MYO5C: variants seen among roughly 807,000 people sequenced by gnomAD.
MYO5C encodes unconventional myosin-Vc.
MYO5C carries 194 observed loss-of-function variants against 235.7 expected under a neutral mutation model. That is an observed-to-expected ratio of 0.82 (90% CI 0.73 to 0.93). The LOEUF (loss-of-function observed/expected upper bound fraction) is 0.93. MYO5C is among the 40% of genes least tolerant of loss of function. The pLI is 0.00. For missense variants in MYO5C, 2,038 were observed against 2,127.2 expected (o/e 0.96, Z 0.82); for synonymous variants, 707 against 754.8 (o/e 0.94, Z 1.04).
In MYO5C at chr15:52,196,390, G is replaced by C. The variant is rs373375321; in HGVS notation, c.4914C>G (p.Ala1638=). 2 of 1,614,080 alleles carry C rather than the reference G, an allele frequency of 1.2e-6. No individual in the cohort carries two copies. Among genetic ancestry groups the C allele is most frequent in the Non-Finnish European group, 1.7e-6 (2 of 1,180,044 alleles). The change falls in exon 39 of 41, where the codon GCC becomes GCG. Residue 1638 remains alanine, a synonymous_variant. Transcript: ENST00000261839. The part of the protein sequence containing the change: ...KETLEPLSQA[A]WLLQVKKTTD... ...TGGTCTTCTTGACCTGAAGCAACCA[G>C]GCTGCCTGAGAGAGGGGCTCCAAAG...
intron 32 of MYO5C, among the ~76,000 whole-genome samples, chr15:52,217,334 G>A (rs992023332): frequency 3.3e-5 from 5 of 152,224 alleles, no homozygotes; most frequent in African/African-American, 9.6e-5. Context: ...CGCCAGGACC[G>A]AGCTGTGCTC....
chr15:52,291,905 AT>A (rs1414326840), intron 1 of MYO5C, among the ~76,000 whole-genome samples: 6 of 150,662 alleles, frequency 4.0e-5, no homozygotes, highest in Middle Eastern at 3.5e-3. Context: ...CGCCTGGCTA[AT>A]TTTTTTGTAT....
intron 24 of MYO5C, among the ~76,000 whole-genome samples, chr15:52,231,599 G>A (rs2035951572): frequency 6.6e-6 from 1 of 152,148 alleles, no homozygotes; most frequent in African/African-American, 2.4e-5. Flanking sequence ...TTAACTCCTG[G>A]AGCGATTCTG....
Position 52,225,446 on chromosome 15 carries a change from T to C in MYO5C, c.3294A>G (p.Glu1098=). 1 of 1,612,076 alleles carries C rather than the reference T, an allele frequency of 6.2e-7. No individual in the cohort carries two copies. The highest frequency in any genetic ancestry group is 8.5e-7 in the Non-Finnish European group (1 of 1,178,304). Residue 1098 remains glutamate, a synonymous_variant, in exon 26 of 41, where the codon GAA becomes GAG. Transcript: ENST00000261839. ...GACTCATATTTTTATTACCTCTCAT[T>C]TCCCGTTTTTGTGACTGCACATGTT... is the stretch of plus-strand genomic sequence containing the variant. The part of the protein sequence containing the change: ...VEKHVQSQKR[E]MREKMSEITK...
At chr15:52,291,199 T>A (rs1245259480) in intron 1 of MYO5C, among the ~76,000 whole-genome samples, 1 of 152,158 alleles carries the variant, frequency 6.6e-6, no homozygotes. Context: ...GCTGAGCAGA[T>A]CAAGGCTAGA....
At chr15:52,270,486 A>C (rs967289228) in intron 7 of MYO5C, among the ~76,000 whole-genome samples, 2 of 152,116 alleles carry the variant, frequency 1.3e-5, no homozygotes, top group Non-Finnish European at 2.9e-5. Context: ...AATAAACTGC[A>C]TATGTTTAAC....
chr15:52,292,524 C>G (rs1257745050), intron 1 of MYO5C, among the ~76,000 whole-genome samples: 2 of 152,214 alleles, frequency 1.3e-5, no homozygotes, highest in Non-Finnish European at 2.9e-5. Context: ...TGAGAGGCGG[C>G]ACATGAAACT....
intron 10 of MYO5C, among the ~76,000 whole-genome samples, chr15:52,258,251 T>C (rs955463844): frequency 2.0e-5 from 3 of 152,230 alleles, no homozygotes; most frequent in Non-Finnish European, 4.4e-5. Context: ...ACCATGCTTA[T>C]GGTTTTCAAG....
chr15:52,271,382 C>A (rs2036922151), intron 7 of MYO5C, among the ~76,000 whole-genome samples: 1 of 152,088 alleles, frequency 6.6e-6, no homozygotes, highest in Non-Finnish European at 1.5e-5. Context: ...GTGCGTGCCA[C>A]CACACCCGGT....
Position 52,282,777 on chromosome 15 carries a change from C to T in MYO5C, c.138+5G>A. ...GACGTAGCTGTGAACAGCAAGGACC[C>T]TCACCGTTCCATCCTCCAGCAGGAG... On this transcript the variant is annotated splice_donor_5th_base_variant and intron_variant, in intron 2 of 40. Coordinates refer to ENST00000261839, the MANE Select transcript of MYO5C (RefSeq NM_018728.4). The T allele has an allele frequency of 6.3e-7, 1 of 1,593,060 alleles. No individual in the cohort carries two copies. Among genetic ancestry groups the T allele is most frequent in the Non-Finnish European group, 8.6e-7 (1 of 1,160,984 alleles).
chr15:52,260,501 G>A (rs1340090796), intron 10 of MYO5C, among the ~76,000 whole-genome samples: 1 of 152,214 alleles, frequency 6.6e-6, no homozygotes, highest in Non-Finnish European at 1.5e-5. Flanking sequence ...CACCAGCGGA[G>A]CAATTGTGAC....
chr15:52,267,202 A>G (rs1298658157), intron 8 of MYO5C, among the ~76,000 whole-genome samples: 14 of 152,238 alleles, frequency 9.2e-5, no homozygotes, highest in Admixed American at 8.5e-4. Flanking sequence ...AAAAGGTTTC[A>G]TGGAAGAAGA....
chr15:52,294,444 G>A (rs1566999147), intron 1 of MYO5C, among the ~76,000 whole-genome samples: 1 of 152,212 alleles, frequency 6.6e-6, no homozygotes, highest in Non-Finnish European at 1.5e-5. Context: ...ACTACAGTTC[G>A]GTTGCTTTGT....
chr15:52,282,847 CA>C lies in MYO5C; in HGVS notation c.72del (p.Ala25LeufsTer3). 6.2e-7 allele frequency: 1 copy of C among 1,614,130 alleles called. No individual in the cohort carries two copies. The highest frequency in any genetic ancestry group is 8.5e-7 in the Non-Finnish European group (1 of 1,179,954). ...ACTCTGTAGTCCTTGGCTATTTCAG[CA>C]GACTTCCAAACTTCTTCAGGATCGG... Reference protein sequence around the residue: ...WIPDPEEVWKSAEIAKDYRVG... With the variant: ...WIPDPEEVWKXAEIAKDYRVG... On this transcript the variant is annotated frameshift_variant, in exon 2 of 41. Transcript: ENST00000261839. LOFTEE classifies it high-confidence loss of function.
rs1322899256 is a variant in MYO5C, at chr15:52,253,439, G to C, written c.1414C>G (p.Gln472Glu). Residue 472 changes from glutamine to glutamate, a missense_variant, in exon 12 of 41, where the codon CAA becomes GAA. Coordinates refer to ENST00000261839, the MANE Select transcript of MYO5C (RefSeq NM_018728.4). ...ATATCTTCCTTCATGTATTCTTCTT[G>C]TTCCAGTTTGAAGACATGCTGGGAA... Reference protein sequence around the residue: ...QFNMHVFKLEQEEYMKEDIPW... With the variant: ...QFNMHVFKLEEEEYMKEDIPW... 6.2e-7 allele frequency: 1 copy of C among 1,612,706 alleles called. No individual in the cohort carries two copies. The highest frequency in any genetic ancestry group is 1.1e-5 in the South Asian group (1 of 90,738).
intron 19 of MYO5C, among the ~76,000 whole-genome samples, chr15:52,244,112 G>A (rs4774616): frequency 0.76 from 116,071 of 152,058 alleles, 48,145 homozygotes; most frequent in Non-Finnish European, 0.94. Flanking sequence ...TCTCACCAGC[G>A]CTTCCTCCCT....
At chr15:52,277,040 G>A (rs2037066440) in intron 4 of MYO5C, 1 of 464,356 alleles carries the variant, frequency 2.2e-6, no homozygotes, top group Admixed American at 2.5e-5. Flanking sequence ...GTAAATGCTA[G>A]AGGAGACTTT....
intron 1 of MYO5C, among the ~76,000 whole-genome samples, chr15:52,290,990 G>T (rs546837248): frequency 6.6e-6 from 1 of 152,302 alleles, no homozygotes; most frequent in African/African-American, 2.4e-5. Flanking sequence ...TCCTCAGCTG[G>T]TAAGCATGAT....
At chr15:52,233,896 C>T (rs892958267) in intron 23 of MYO5C, among the ~76,000 whole-genome samples, 1 of 152,070 alleles carries the variant, frequency 6.6e-6, no homozygotes, top group Non-Finnish European at 1.5e-5. Flanking sequence ...GGTGCACCGT[C>T]GATAGCAATT....
Sources: allele counts gnomAD v4.1 joint callset (sites outside exome capture counted in the v4.1 genomes callset), GRCh38; gene constraint gnomAD v4.1.1; transcripts MANE v1.5; gene names NCBI Gene and HGNC (gene_info 2026-07-23, HGNC 2026-07-21).